Variants in TANC2 observed in about 807,000 individuals in gnomAD.
TANC2 encodes the protein protein TANC2.
Under a neutral mutation model 210.5 loss-of-function variants are expected in TANC2, and 26 were observed. The observed-to-expected ratio is 0.12, with a 90% CI of 0.09 to 0.17. The LOEUF is 0.17. TANC2 is among the 10% of genes least tolerant of loss of function. The pLI is 1.00. For synonymous variants in TANC2, 931 were observed against 967.1 expected, an observed-to-expected ratio of 0.96 and a Z score of 0.69; for missense variants, 2,129 against 2,608.9, an observed-to-expected ratio of 0.82 and a Z score of 4.01.
chr17:63,138,398 TA>T, intron 4 of TANC2, among the ~76,000 whole-genome samples: 1 of 152,228 alleles, frequency 6.6e-6, no homozygotes, highest in Non-Finnish European at 1.5e-5. Context: ...CCATAATTTT[TA>T]TAAATACATA....
intron 2 of TANC2, among the ~76,000 whole-genome samples, chr17:63,009,973 A>G (rs2033793222): frequency 6.6e-6 from 1 of 152,176 alleles, no homozygotes; most frequent in African/African-American, 2.4e-5. Context: ...TGGGGAAGGA[A>G]ATTATAAAAA....
chr17:63,189,934 G>A (rs985795713), intron 5 of TANC2, among the ~76,000 whole-genome samples: 4 of 152,156 alleles, frequency 2.6e-5, no homozygotes, highest in Admixed American at 6.5e-5. Context: ...TTTGATATAT[G>A]AGGTAGGGCT....
intron 21 of TANC2, among the ~76,000 whole-genome samples, chr17:63,407,515 A>G (rs1334210461): frequency 6.6e-6 from 1 of 152,194 alleles, no homozygotes; most frequent in African/African-American, 2.4e-5. Context: ...GATTCCAGGT[A>G]TTTGTTCTCC....
chr17:63,160,290 A>G (rs1302753964), intron 5 of TANC2, among the ~76,000 whole-genome samples: 4 of 152,206 alleles, frequency 2.6e-5, no homozygotes, highest in Admixed American at 2.0e-4. Flanking sequence ...CTGTAATCCC[A>G]TTGCTTTGGG....
intron 2 of TANC2, among the ~76,000 whole-genome samples, chr17:63,062,061 G>T (rs1021140856): frequency 2.0e-5 from 3 of 151,896 alleles, no homozygotes; most frequent in Admixed American, 6.6e-5. Flanking sequence ...GTTTTGAATT[G>T]TATATTACAG....
At chr17:63,367,261 G>A (rs2047137805) in intron 14 of TANC2, among the ~76,000 whole-genome samples, 1 of 152,174 alleles carries the variant, frequency 6.6e-6, no homozygotes, top group Admixed American at 6.5e-5. Flanking sequence ...GGTGGCTTAA[G>A]ACACCCCTGA....
intron 8 of TANC2, among the ~76,000 whole-genome samples, chr17:63,267,035 G>A (rs1191233091): frequency 6.6e-6 from 1 of 151,920 alleles, no homozygotes; most frequent in Non-Finnish European, 1.5e-5. Flanking sequence ...TGCATTTTTT[G>A]TGGAGACAGG....
chr17:63,041,630 T>C (rs145740509), intron 2 of TANC2, among the ~76,000 whole-genome samples: 48 of 152,316 alleles, frequency 3.2e-4, no homozygotes, highest in African/African-American at 1.1e-3. Context: ...GGGAGTGTTA[T>C]ATTCAATCGA....
At position 63,219,063 on chromosome 17, in the gene TANC2, C is replaced by T. The variant is rs1339011837; in HGVS notation, c.769+18106C>T. 2.6e-5 allele frequency among the ~76,000 whole-genome samples: 4 copies of T among 152,146 alleles called. 1 individual carries two copies. In the East Asian group the frequency reaches 7.7e-4, roughly 29 times the overall value. ...ATAATTAGAGATAAATTAAAAAATA[C>T]ATGACCTGCACAGTGAAAAGTGCAA... On this transcript the variant is annotated intron_variant, in intron 7 of 27. Transcript: ENST00000689528.
intron 2 of TANC2, among the ~76,000 whole-genome samples, chr17:63,058,671 A>G (rs1405739201): frequency 6.6e-6 from 1 of 152,168 alleles, no homozygotes; most frequent in Non-Finnish European, 1.5e-5. Context: ...CCAATTATTG[A>G]ATAGGACGTC....
At chr17:63,123,558 C>G (rs1172496861) in intron 4 of TANC2, among the ~76,000 whole-genome samples, 1 of 99,950 alleles carries the variant, frequency 1.0e-5, no homozygotes, top group African/African-American at 3.7e-5. Context: ...GATTCTGTCT[C>G]AAAAAAAAAA....
chr17:63,058,104 T>A (rs1345370134), intron 2 of TANC2, among the ~76,000 whole-genome samples: 3 of 152,214 alleles, frequency 2.0e-5, no homozygotes, highest in African/African-American at 7.2e-5. Flanking sequence ...ATCATTTTTT[T>A]ACTTTTTTAG....
At chr17:63,216,231 T>C (rs1019868434) in intron 7 of TANC2, among the ~76,000 whole-genome samples, 2 of 151,982 alleles carry the variant, frequency 1.3e-5, no homozygotes, top group Non-Finnish European at 2.9e-5. Flanking sequence ...GTATTTTTAG[T>C]AGAGACGGGG....
Position 63,040,335 on chromosome 17 carries a change from C to T in TANC2, c.67+30709C>T, listed in dbSNP as rs1031039501. On this transcript the variant is annotated intron_variant, in intron 2 of 27. Coordinates refer to ENST00000689528, the Ensembl canonical transcript of TANC2. ...AACAATGTTCAGCATTGACTCAAGG[C>T]ACTGTCATTTCAGAAGTACAGTATA... 8.5e-5 allele frequency among the ~76,000 whole-genome samples: 13 copies of T among 152,270 alleles called. No individual in the cohort carries two copies. In the East Asian group the frequency reaches 2.5e-3, roughly 29 times the overall value.
intron 2 of TANC2, among the ~76,000 whole-genome samples, chr17:63,049,412 A>G (rs1330220995): frequency 3.3e-5 from 5 of 152,158 alleles, no homozygotes; most frequent in African/African-American, 4.8e-5. Context: ...GAGGGAAGGC[A>G]TGATTGGGGG....
intron 4 of TANC2, among the ~76,000 whole-genome samples, chr17:63,140,770 CAG>C (rs1256039238): frequency 6.6e-6 from 1 of 152,170 alleles, no homozygotes; most frequent in African/African-American, 2.4e-5. Flanking sequence ...GTTTTTGAGA[CAG>C]AGTGTCGCTT....
chr17:63,299,428 G>C (rs1234671601), intron 9 of TANC2, among the ~76,000 whole-genome samples: 1 of 151,968 alleles, frequency 6.6e-6, no homozygotes, highest in South Asian at 2.1e-4. Context: ...AGCCTCACCA[G>C]CATCTATTGT....
chr17:63,346,450 A>G (rs1464953235), intron 12 of TANC2, among the ~76,000 whole-genome samples: 1 of 152,226 alleles, frequency 6.6e-6, no homozygotes, highest in Non-Finnish European at 1.5e-5. Context: ...CGATTTAGAC[A>G]CTTTACAAAA....
At chr17:63,374,115 C>T (rs2047356848) in intron 14 of TANC2, among the ~76,000 whole-genome samples, 1 of 141,160 alleles carries the variant, frequency 7.1e-6, no homozygotes, top group Non-Finnish European at 1.5e-5. Flanking sequence ...TAGCACACTG[C>T]AGCCTCGACG....
Sources: gnomAD v4.1 joint callset for allele counts (sites outside exome capture counted in the v4.1 genomes callset) on GRCh38, gnomAD v4.1.1 for gene constraint, MANE v1.5 for transcripts, NCBI Gene and HGNC (gene_info 2026-07-23, HGNC 2026-07-21) for gene names.